EXOC4: variants seen among roughly 807,000 people sequenced by gnomAD.
The protein encoded by EXOC4 is SEC8-like 1.
Under a neutral mutation model 107.2 loss-of-function variants are expected in EXOC4, and 71 were observed. That is an observed-to-expected ratio of 0.66 (90% CI 0.55 to 0.81). The LOEUF (loss-of-function observed/expected upper bound fraction) is 0.81, where lower values mean the gene tolerates loss of function less well. Among genes scored for constraint, EXOC4 ranks in the 30% least tolerant of loss-of-function variants. The probability of loss-of-function intolerance (pLI) is 0.00; values close to 1 mark genes in which losing one functional copy is unlikely to be tolerated. For missense variants in EXOC4, 1,108 were observed against 1,189.6 expected, an observed-to-expected ratio of 0.93 and a Z score of 1.01; for synonymous variants, 456 against 441.2, an observed-to-expected ratio of 1.03 and a Z score of -0.42.
At chr7:133,872,251 G>C (rs1433599066) in intron 11 of EXOC4, among the ~76,000 whole-genome samples, 1 of 151,968 alleles carries the variant, frequency 6.6e-6, no homozygotes, top group African/African-American at 2.4e-5. Flanking sequence ...GAAAATAAAG[G>C]GATATTTTTT....
intron 5 of EXOC4, among the ~76,000 whole-genome samples, chr7:133,344,897 A>G (rs1795750488): frequency 6.6e-6 from 1 of 152,156 alleles, no homozygotes; most frequent in Admixed American, 6.5e-5. Flanking sequence ...GAGGAGCATG[A>G]GATATCACTT....
chr7:133,454,928 A>G (rs966350456), intron 7 of EXOC4, among the ~76,000 whole-genome samples: 11 of 152,022 alleles, frequency 7.2e-5, no homozygotes, highest in African/African-American at 2.4e-4. Context: ...GTGAAAACCT[A>G]TCTCTACAAA....
intron 9 of EXOC4, among the ~76,000 whole-genome samples, chr7:133,550,522 A>G (rs1800565048): frequency 6.6e-6 from 1 of 152,224 alleles, no homozygotes; most frequent in Non-Finnish European, 1.5e-5. Flanking sequence ...CTAGCATTTA[A>G]TGACATCTAG....
chr7:133,584,574 G>GTTTTTTTTTT lies in EXOC4; in HGVS notation c.1418-45470_1418-45461dup, dbSNP rs67568218. 9.8e-4 allele frequency among the ~76,000 whole-genome samples: 83 copies of GTTTTTTTTTT among 84,806 alleles called. 7 individuals carry two copies. Among genetic ancestry groups the GTTTTTTTTTT allele is most frequent in the Non-Finnish European group, 1.0e-3 (49 of 47,762 alleles). The allele number at this position is 84,806 out of a possible 152,430, so 55.6% of individuals were successfully genotyped here. On this transcript the variant is annotated intron_variant, in intron 9 of 17. Transcript: ENST00000253861. ...AGGCCTTTGTTTTTTACGTATTTCA[G>GTTTTTTTTTT]TTTTTTTTTTGTTTTTTTTTTTGAG... is the stretch of plus-strand genomic sequence containing the variant.
chr7:133,769,280 GT>G (rs879442389), intron 10 of EXOC4, among the ~76,000 whole-genome samples: 64 of 148,668 alleles, frequency 4.3e-4, no homozygotes, highest in East Asian at 1.8e-3. Context: ...TACATAGATT[GT>G]TTTTTTTTTA....
intron 9 of EXOC4, among the ~76,000 whole-genome samples, chr7:133,532,284 TA>T (rs1800195340): frequency 6.6e-6 from 1 of 152,054 alleles, no homozygotes; most frequent in Admixed American, 6.6e-5. Context: ...CATTCATCAA[TA>T]TATGACCCAT....
chr7:133,883,478 CAA>C lies in EXOC4; in HGVS notation c.1735-12106_1735-12105del, dbSNP rs1168936994. ...CAACATAGCAAGACTCCATCTCTAC[CAA>C]AAAAAAAAAAAAAATAGCCTGGTAT... On this transcript the variant is annotated intron_variant, in intron 11 of 17. Coordinates refer to ENST00000253861, the MANE Select transcript of EXOC4 (RefSeq NM_021807.4). Among the ~76,000 whole-genome samples, 579 of 128,206 alleles carry C rather than the reference CAA, an allele frequency of 4.5e-3. 5 individuals are homozygous for C. Among genetic ancestry groups the C allele is most frequent in the African/African-American group, 0.014 (505 of 35,186 alleles). The allele number at this position is 128,206 out of a possible 152,430, so 84.1% of individuals were successfully genotyped here. A position where few individuals can be genotyped will look rare whatever the true frequency, so the allele number is the denominator to read the frequency against.
chr7:133,799,064 T>A (rs1166566555), intron 10 of EXOC4, among the ~76,000 whole-genome samples: 1 of 152,212 alleles, frequency 6.6e-6, no homozygotes. Flanking sequence ...TAGAATCTAC[T>A]CCTGTACCTA....
At chr7:133,451,939 T>A (rs1044310361) in intron 7 of EXOC4, among the ~76,000 whole-genome samples, 3 of 152,100 alleles carry the variant, frequency 2.0e-5, no homozygotes, top group Non-Finnish European at 2.9e-5. Flanking sequence ...ATTACCTTTT[T>A]AAAAAAAATA....
chr7:133,425,043 A>G (rs986090021), intron 7 of EXOC4, among the ~76,000 whole-genome samples: 1 of 152,076 alleles, frequency 6.6e-6, no homozygotes, highest in African/African-American at 2.4e-5. Context: ...AGACACTGCC[A>G]TGGTACCCTA....
intron 9 of EXOC4, among the ~76,000 whole-genome samples, chr7:133,489,558 T>G (rs1461541259): frequency 6.6e-6 from 1 of 152,162 alleles, no homozygotes; most frequent in Non-Finnish European, 1.5e-5. Flanking sequence ...TTAGAAGAGT[T>G]TCCTCCCAAC....
intron 9 of EXOC4, among the ~76,000 whole-genome samples, chr7:133,541,810 A>C (rs1198787597): frequency 1.3e-5 from 2 of 152,116 alleles, no homozygotes; most frequent in Admixed American, 1.3e-4. Context: ...AATAAGCAGA[A>C]TGATAGATTT....
chr7:133,628,360 GC>G (rs1802506694), intron 9 of EXOC4, among the ~76,000 whole-genome samples: 1 of 152,160 alleles, frequency 6.6e-6, no homozygotes, highest in South Asian at 2.1e-4. Flanking sequence ...CTCTGACAAA[GC>G]GGGGCCTTTA....
chr7:133,454,510 A>G (rs1245200303), intron 7 of EXOC4, among the ~76,000 whole-genome samples: 1 of 152,078 alleles, frequency 6.6e-6, no homozygotes, highest in Admixed American at 6.6e-5. Flanking sequence ...TTGTCCATGC[A>G]GGTCTCATAC....
chr7:133,830,377 T>C (rs1797783828), intron 11 of EXOC4, among the ~76,000 whole-genome samples: 2 of 152,196 alleles, frequency 1.3e-5, no homozygotes, highest in Admixed American at 1.3e-4. Flanking sequence ...GCCAGTTAAT[T>C]TCTTGCCTCG....
rs780446105 is a variant in EXOC4 at position 133,475,460 on chromosome 7, A to G, written c.1315A>G (p.Asn439Asp). 5 of 1,613,994 alleles carry G rather than the reference A, an allele frequency of 3.1e-6. No individual in the cohort carries two copies. In the South Asian group the frequency reaches 5.5e-5, roughly 18 times the overall value. ...CAAGAAGAAACCTCAAAGGCCAAAA[A>G]ATTCTCTTTTCAAGTAAGTATTATT... is the stretch of plus-strand genomic sequence containing the variant. ...FAKKKPQRPK[N>D]SLFKFESSSH... The change falls in exon 8 of 18, where the codon AAT becomes GAT. Residue 439 changes from asparagine to aspartate, a missense_variant. Asn to Asp is a conservative substitution (Grantham distance 23). Transcript: ENST00000253861.
chr7:133,399,508 A>G (rs753147357), intron 7 of EXOC4, among the ~76,000 whole-genome samples: 1 of 152,218 alleles, frequency 6.6e-6, no homozygotes, highest in Non-Finnish European at 1.5e-5. Flanking sequence ...GGAATTATGG[A>G]CACAATGAGT....
At chr7:133,389,216 A>G (rs1435108815) in intron 7 of EXOC4, among the ~76,000 whole-genome samples, 3 of 152,158 alleles carry the variant, frequency 2.0e-5, no homozygotes, top group African/African-American at 4.8e-5. Context: ...AAGAAAGGCA[A>G]TAGAGATGAG....
intron 7 of EXOC4, among the ~76,000 whole-genome samples, chr7:133,408,348 G>A (rs1052763327): frequency 6.6e-6 from 1 of 151,458 alleles, no homozygotes; most frequent in Admixed American, 6.6e-5. Context: ...TGATGGTGGG[G>A]TGGATTGGTG....
Sources: allele counts gnomAD v4.1 joint callset (sites outside exome capture counted in the v4.1 genomes callset), GRCh38; gene constraint gnomAD v4.1.1; transcripts MANE v1.5; gene names NCBI Gene and HGNC (gene_info 2026-07-23, HGNC 2026-07-21).